DOP1A: variants seen among roughly 807,000 people sequenced by gnomAD.
The protein encoded by DOP1A is DOP1 leucine zipper like protein A, also known as protein DOP1A.
A neutral mutation model predicts 267.6 loss-of-function variants in DOP1A; 90 were observed. The observed-to-expected ratio is 0.34, with a 90% CI of 0.28 to 0.40. The LOEUF is 0.40. DOP1A is among the 10% of genes least tolerant of loss of function. The pLI is 1.00. For synonymous variants in DOP1A, 932 were observed against 999.1 expected (o/e 0.93, Z 1.27); for missense variants, 2,437 against 2,900.4 (o/e 0.84, Z 3.67).
At chr6:83,145,123 G>GTATATA (rs757358829) in intron 24 of DOP1A, among the ~76,000 whole-genome samples, 57 of 47,988 alleles carry the variant, frequency 1.2e-3, no homozygotes, top group African/African-American at 3.9e-3. Context: ...TACATATATT[G>GTATATA]TATATATATA....
chr6:83,077,349 A>G (rs895145997), intron 1 of DOP1A, among the ~76,000 whole-genome samples: 2 of 151,942 alleles, frequency 1.3e-5, no homozygotes, highest in Non-Finnish European at 2.9e-5. Context: ...AAGATGGTAA[A>G]TGTTATATGC....
Position 83,129,147 on chromosome 6 carries a change from G to T in DOP1A, c.1980G>T (p.Gly660=), listed in dbSNP as rs112739057. 8.1e-6 allele frequency: 13 copies of T among 1,613,442 alleles called. No homozygotes were observed. In the African/African-American group the frequency reaches 1.1e-4, roughly 13 times the overall value. ...AGACCCCTTCCGTAGTCACTCAGGGGACAGCAACCCGAAGTAGGAAGACAG... is the reference window on the plus strand; with the variant it reads ...AGACCCCTTCCGTAGTCACTCAGGGTACAGCAACCCGAAGTAGGAAGACAG... ...IIQTPSVVTQ[G]TATRSRKTAQ... is the part of the protein sequence containing the mutation. The change falls in exon 16 of 39, where the codon GGG becomes GGT. Residue 660 remains glycine, a synonymous_variant. Coordinates refer to ENST00000349129, the MANE Select transcript of DOP1A (RefSeq NM_015018.4).
chr6:83,130,285 T>C lies in DOP1A; in HGVS notation c.2504T>C (p.Val835Ala). The change falls in exon 17 of 39, where the codon GTA becomes GCA. Residue 835 changes from valine (V) to alanine (A), a missense_variant. Around this residue, in one of 9 missense-constraint regions of DOP1A, gnomAD observed 878 missense variants for 992.9 expected, o/e 0.88. Coordinates refer to ENST00000349129, the MANE Select transcript of DOP1A (RefSeq NM_015018.4). The part of the protein sequence containing the change: ...AMVTGENINS[V>A]EPAQPLSPNQ... The stretch of plus-strand genomic sequence containing the variant: ...GTCACTGGGGAAAACATCAACAGTG[T>C]AGAGCCTGCACAACCCTTAAGTCCA... 6.2e-7 allele frequency: 1 copy of C among 1,614,018 alleles called. No individual in the cohort carries two copies.
intron 1 of DOP1A, among the ~76,000 whole-genome samples, chr6:83,068,825 C>T (rs1785137230): frequency 6.6e-6 from 1 of 152,168 alleles, no homozygotes; most frequent in South Asian, 2.1e-4. Context: ...AAATTAAAAC[C>T]ACGAGTAGTC....
At chr6:83,128,698 T>C (rs1049620193) in intron 15 of DOP1A, among the ~76,000 whole-genome samples, 189 bp from the exon 16 acceptor site, 2 of 152,192 alleles carry the variant, frequency 1.3e-5, no homozygotes, top group Middle Eastern at 3.2e-3. Flanking sequence ...TAACCTTATG[T>C]ATGCTGTGTG....
intron 15 of DOP1A, 132 bp from the exon 16 acceptor site, chr6:83,128,755 C>A: frequency 1.0e-6 from 1 of 983,018 alleles, no homozygotes; most frequent in Non-Finnish European, 1.4e-6. Flanking sequence ...CAGTGTGGGG[C>A]TGCTTTAAGA....
chr6:83,147,523 C>T (rs943510659), intron 26 of DOP1A, among the ~76,000 whole-genome samples: 8 of 152,076 alleles, frequency 5.3e-5, no homozygotes, highest in Non-Finnish European at 1.0e-4. Context: ...ATGCATATTG[C>T]CACTGAATCC....
chr6:83,099,592 T>G (rs1321364555), intron 3 of DOP1A, among the ~76,000 whole-genome samples: 2 of 152,096 alleles, frequency 1.3e-5, no homozygotes, highest in Non-Finnish European at 2.9e-5. Flanking sequence ...AAAGTAGATT[T>G]CATGGTATCT....
At chr6:83,113,967 T>C (rs1274883941) in intron 7 of DOP1A, among the ~76,000 whole-genome samples, 1 of 152,188 alleles carries the variant, frequency 6.6e-6, no homozygotes, top group East Asian at 1.9e-4. Flanking sequence ...CTTTGACTTA[T>C]AAACCTTGAT....
intron 4 of DOP1A, among the ~76,000 whole-genome samples, chr6:83,105,356 C>CTTTTTTTTTTTTTTTTTT: frequency 1.5e-5 from 1 of 65,892 alleles, no homozygotes; most frequent in Non-Finnish European, 2.8e-5. Context: ...GGATGTCTTT[C>CTTTTTTTTTTTTTTTTTT]TTTTTTTTTT....
chr6:83,103,972 G>T (rs529895127), intron 4 of DOP1A, among the ~76,000 whole-genome samples: 72 of 152,124 alleles, frequency 4.7e-4, no homozygotes, highest in African/African-American at 1.7e-3. Context: ...TTTCTAAATG[G>T]TATCTTTGAA....
chr6:83,124,488 A>G (rs147360061), intron 12 of DOP1A, among the ~76,000 whole-genome samples: 2,092 of 152,242 alleles, frequency 0.014, 18 homozygotes, highest in Non-Finnish European at 0.018. Context: ...GAAGTACAGG[A>G]TGGGAGTTAC....
At chr6:83,144,416 A>T (rs965111713) in intron 24 of DOP1A, among the ~76,000 whole-genome samples, 2 of 152,198 alleles carry the variant, frequency 1.3e-5, no homozygotes, top group Non-Finnish European at 2.9e-5. Flanking sequence ...AAGTATTTGA[A>T]TATGTAATTA....
At chr6:83,143,186 G>T (rs1052842342) in intron 24 of DOP1A, among the ~76,000 whole-genome samples, 8 of 152,176 alleles carry the variant, frequency 5.3e-5, no homozygotes, top group African/African-American at 1.9e-4. Flanking sequence ...GGGAGACCAA[G>T]GCGGGAGGAT....
intron 1 of DOP1A, among the ~76,000 whole-genome samples, chr6:83,071,889 A>G (rs754061775): frequency 6.5e-4 from 99 of 152,222 alleles, no homozygotes; most frequent in Non-Finnish European, 1.0e-3. Flanking sequence ...AACCTGTTAT[A>G]TGACAAAGTG....
Position 83,157,241 on chromosome 6 carries a change from C to G in DOP1A, c.6664C>G (p.Leu2222Val). ...QVPTLHSQVF[L>V]FFRVLLLRMS... ...GCCAACTCTCCATTCTCAAGTGTTC[C>G]TGTTTTTCAGAGTGTTACTTTTAAG... is the stretch of plus-strand genomic sequence containing the variant. Residue 2222 changes from leucine (L) to valine (V), a missense_variant, in exon 35 of 39, where the codon CTG becomes GTG. Coordinates refer to ENST00000349129, the MANE Select transcript of DOP1A (RefSeq NM_015018.4). 6.2e-7 allele frequency: 1 copy of G among 1,613,992 alleles called. No homozygotes were observed. Among genetic ancestry groups the G allele is most frequent in the Middle Eastern group, 1.6e-4 (1 of 6,062 alleles).
chr6:83,083,194 T>C (rs1276198186), intron 1 of DOP1A, among the ~76,000 whole-genome samples: 14 of 152,146 alleles, frequency 9.2e-5, no homozygotes, highest in Admixed American at 9.2e-4. Flanking sequence ...TTTTAAACAC[T>C]ATCAGTATTG....
chr6:83,135,490 ATT>A, intron 19 of DOP1A, 127 bp from the exon 20 acceptor site: 5 of 1,054,020 alleles, frequency 4.7e-6, no homozygotes, highest in Non-Finnish European at 6.6e-6. Flanking sequence ...TATGATCAAA[ATT>A]TATCCTGAAG....
intron 5 of DOP1A, 129 bp downstream of exon 5, chr6:83,109,209 C>G: frequency 1.3e-6 from 1 of 752,572 alleles, no homozygotes; most frequent in Middle Eastern, 2.5e-4. Flanking sequence ...ATGAATATTT[C>G]TATAGCAATG....
Sources: gnomAD v4.1 joint callset for allele counts (sites outside exome capture counted in the v4.1 genomes callset) on GRCh38, gnomAD v4.1.1 for gene constraint, gnomAD v4.1.1 regional missense constraint, MANE v1.5 for transcripts, NCBI Gene and HGNC (gene_info 2026-07-23, HGNC 2026-07-21) for gene names.